The following MYO1H variants were observed in gnomAD, a reference collection of about 807,000 sequenced individuals.
MYO1H encodes myosin IH.
MYO1H carries 118 observed loss-of-function variants against 149.3 expected under a neutral mutation model. That is an observed-to-expected ratio of 0.79 (90% CI 0.68 to 0.92). The LOEUF (loss-of-function observed/expected upper bound fraction) is 0.92, where lower values mean the gene tolerates loss of function less well. Ranked by LOEUF, MYO1H falls within the 40% of genes least tolerant of loss-of-function variation. The pLI is 0.00. For synonymous variants in MYO1H, 447 were observed against 465.2 expected, an observed-to-expected ratio of 0.96 and a Z score of 0.50; for missense variants, 1,212 against 1,280.7, an observed-to-expected ratio of 0.95 and a Z score of 0.82.
At chr12:109,438,419 CAG>C (rs201019372) in intron 22 of MYO1H, 115 bp from the exon 23 acceptor site, 10,015 of 756,908 alleles carry the variant, frequency 0.013, 98 homozygotes, top group South Asian at 0.029. Context: ...CTGAGGCTAA[CAG>C]AGTGCTGCGG....
rs544152036 is a variant in MYO1H at position 109,378,612 on chromosome 12, C to T, written c.13-10071C>T. Among the ~76,000 whole-genome samples, 4 of 152,296 alleles carry T rather than the reference C, an allele frequency of 2.6e-5. No individual in the cohort carries two copies. In the South Asian group the frequency reaches 8.3e-4, roughly 32 times the overall value. ...GGGATTGCAGGCATGCGCCACTGTG[C>T]CCGACCTGCACCATTTTATATTCCC... is the stretch of plus-strand genomic sequence containing the variant. On this transcript the variant is annotated intron_variant, in intron 1 of 31. Coordinates refer to ENST00000310903, the Ensembl canonical transcript of MYO1H.
the MYO1H span, among the ~76,000 whole-genome samples, chr12:109,316,195 T>C: frequency 1.3e-5 from 2 of 152,194 alleles, no homozygotes; most frequent in Non-Finnish European, 2.9e-5. Context: ...TCTTCCTTTG[T>C]CCACAAAAGG....
intron 19 of MYO1H, among the ~76,000 whole-genome samples, chr12:109,432,630 T>C (rs996714812): frequency 3.3e-5 from 5 of 152,172 alleles, no homozygotes; most frequent in Admixed American, 6.5e-5. Context: ...AGGAGTGGAA[T>C]TGAGTCACTG....
At chr12:109,329,317 T>C in the MYO1H span, among the ~76,000 whole-genome samples, 1 of 152,122 alleles carries the variant, frequency 6.6e-6, no homozygotes, top group Admixed American at 6.5e-5. Context: ...GAGAGTTGAG[T>C]AGTTGTAACA....
At chr12:109,417,445 A>G (rs1870967539) in intron 15 of MYO1H, among the ~76,000 whole-genome samples, 1 of 151,944 alleles carries the variant, frequency 6.6e-6, no homozygotes, top group Non-Finnish European at 1.5e-5. Context: ...CTCCTGCCTC[A>G]GCCTCCCAAG....
chr12:109,404,780 C>T (rs1870306392), intron 7 of MYO1H, among the ~76,000 whole-genome samples: 1 of 151,078 alleles, frequency 6.6e-6, no homozygotes. Context: ...TTTATTGAGG[C>T]TTCTGTTTTG....
intron 22 of MYO1H, among the ~76,000 whole-genome samples, chr12:109,438,320 T>C (rs1871958027): frequency 6.6e-6 from 1 of 152,140 alleles, no homozygotes; most frequent in Admixed American, 6.6e-5. Context: ...AAACCTTCCA[T>C]AGCCCCCTCT....
intron 1 of MYO1H, among the ~76,000 whole-genome samples, chr12:109,359,842 T>C (rs1183398456): frequency 6.6e-6 from 1 of 152,238 alleles, no homozygotes; most frequent in Non-Finnish European, 1.5e-5. Context: ...GGCAAACTAA[T>C]GTTTTTCAAG....
intron 1 of MYO1H, among the ~76,000 whole-genome samples, chr12:109,371,213 C>CTTTTTTTTT (rs34350111): frequency 3.4e-5 from 4 of 118,346 alleles, no homozygotes; most frequent in Non-Finnish European, 5.1e-5. Flanking sequence ...TTTTTTCTTT[C>CTTTTTTTTT]TTTTTTTTTT....
intron 1 of MYO1H, among the ~76,000 whole-genome samples, chr12:109,352,295 A>G (rs1566016606): frequency 6.6e-6 from 1 of 152,208 alleles, no homozygotes; most frequent in Non-Finnish European, 1.5e-5. Context: ...CCTGGCTAAC[A>G]ACGGCATGCT....
rs1190606380 is a variant in MYO1H at position 109,443,028 on chromosome 12, A to ATG, written c.2689-468_2689-467dup. ...AAAAAAAATATATATATATATATAT[A>ATG]TGTGTGTGTGTGTGTGTGTATATAT... is the stretch of plus-strand genomic sequence containing the variant. On this transcript the variant is annotated intron_variant, in intron 27 of 31. Transcript: ENST00000310903. Among the ~76,000 whole-genome samples the ATG allele has an allele frequency of 7.4e-4, 61 of 82,312 alleles. 13 individuals are homozygous for ATG. Among genetic ancestry groups the ATG allele is most frequent in the South Asian group, 3.7e-3 (11 of 2,978 alleles). The allele number at this position is 82,312 out of a possible 152,430, so 54.0% of individuals were successfully genotyped here.
At chr12:109,427,971 A>G (rs1197473891) in intron 19 of MYO1H, among the ~76,000 whole-genome samples, 5 of 126,500 alleles carry the variant, frequency 4.0e-5, no homozygotes, top group Admixed American at 3.3e-4. Flanking sequence ...CTGTAGTCCC[A>G]GCTACTCAGA....
In MYO1H at chr12:109,442,155, A is replaced by G; in HGVS notation, c.2633-62A>G. On this transcript the variant is annotated intron_variant, in intron 26 of 31. Coordinates refer to ENST00000310903, the Ensembl canonical transcript of MYO1H. ...TGCATAACAAAACTAGCAGATACCA[A>G]TGACTTTTCCACAGGATTGGTACTT... 3.5e-6 allele frequency: 5 copies of G among 1,435,924 alleles called. No homozygotes were observed. The Admixed American group carries it at 5.1e-5, about 15-fold the overall frequency. The allele number at this position is 1,435,924 out of a possible 1,614,324, so 88.9% of individuals were successfully genotyped here.
chr12:109,370,903 A>G (rs1208140271), intron 1 of MYO1H, among the ~76,000 whole-genome samples: 1 of 152,236 alleles, frequency 6.6e-6, no homozygotes, highest in Non-Finnish European at 1.5e-5. Flanking sequence ...AGATCAAGGA[A>G]TCAAGTAATT....
upstream of MYO1H, among the ~76,000 whole-genome samples, chr12:109,347,033 A>G (rs1039069578): frequency 6.6e-6 from 1 of 152,134 alleles, no homozygotes; most frequent in Non-Finnish European, 1.5e-5. Context: ...ACAGAGAGAG[A>G]GATACATGAA....
the MYO1H span, among the ~76,000 whole-genome samples, chr12:109,314,495 G>C: frequency 6.6e-6 from 1 of 152,114 alleles, no homozygotes; most frequent in Non-Finnish European, 1.5e-5. Context: ...CTGCTAGCAG[G>C]CTCTTTCAAT....
intron 5 of MYO1H, among the ~76,000 whole-genome samples, chr12:109,399,573 G>A (rs745334265): frequency 2.4e-5 from 3 of 127,486 alleles, no homozygotes; most frequent in Non-Finnish European, 4.7e-5. Context: ...GCCTGAGCAA[G>A]AGAGTGAGAC....
exon 18 of MYO1H, chr12:109,426,051 A>C (rs562871412): frequency 9.9e-6 from 16 of 1,610,098 alleles, no homozygotes; most frequent in Non-Finnish European, 1.4e-5. Context: ...GAAAGAACCC[A>C]GTGAGTTGTG....
intron 15 of MYO1H, among the ~76,000 whole-genome samples, chr12:109,417,551 T>C (rs1870973968): frequency 6.6e-6 from 1 of 151,932 alleles, no homozygotes; most frequent in Non-Finnish European, 1.5e-5. Flanking sequence ...GTGGTCTCCA[T>C]CTACCGACCT....
Sources: allele counts gnomAD v4.1 joint callset (sites outside exome capture counted in the v4.1 genomes callset), GRCh38; gene constraint gnomAD v4.1.1; transcripts MANE v1.5; gene names NCBI Gene and HGNC (gene_info 2026-07-23, HGNC 2026-07-21).